The following ERLEC1 variants were observed in gnomAD, a reference collection of about 807,000 sequenced individuals.
The protein encoded by ERLEC1 is endoplasmic reticulum lectin 1, also known as ER lectin.
A neutral mutation model predicts 68.0 loss-of-function variants in ERLEC1; 47 were observed. That is an observed-to-expected ratio of 0.69 (90% CI 0.55 to 0.88). ERLEC1 has a LOEUF of 0.88. Among genes scored for constraint, ERLEC1 ranks in the 40% least tolerant of loss-of-function variants. The pLI, the probability that ERLEC1 is intolerant of heterozygous loss-of-function variation, is 0.00. For synonymous variants in ERLEC1, 225 were observed against 203.2 expected, an observed-to-expected ratio of 1.11 and a Z score of -0.91; for missense variants, 567 against 583.8, an observed-to-expected ratio of 0.97 and a Z score of 0.30.
In ERLEC1 at chr2:53,801,592, C is replaced by A; in HGVS notation, c.721C>A (p.Pro241Thr). ...TCEYEVVILTPLLCSHPKYRF... is the reference protein window; with the variant it reads ...TCEYEVVILTTLLCSHPKYRF... ...TGAATATGAAGTTGTCATTTTGACA[C>A]CACTCTTGTGCAGTCATCCTAAATA... Residue 241 changes from proline to threonine, a missense_variant, in exon 7 of 14, where the codon CCA becomes ACA. Physicochemically the swap from Pro to Thr is conservative, Grantham distance 38. Coordinates refer to ENST00000185150, the MANE Select transcript of ERLEC1 (RefSeq NM_015701.5). The A allele has an allele frequency of 1.2e-6, 2 of 1,613,898 alleles. No homozygotes were observed. The highest frequency in any genetic ancestry group is 1.7e-6 in the Non-Finnish European group (2 of 1,179,828).
Position 53,787,260 on chromosome 2 carries a change from TGTTACTGGTCCTCTGCGGCCTC to T in ERLEC1, c.51_72del (p.Leu18TrpfsTer45). On this transcript the variant is annotated frameshift_variant, in exon 1 of 14. Transcript: ENST00000185150. LOFTEE classifies it high-confidence loss of function. ...CGGAGTCTGGTCCCGGGCGGGCCGG[TGTTACTGGTCCTCTGCGGCCTC>T]CTGGAGGCGTCCGGCGGCGGCCGAG... 6.2e-7 allele frequency: 1 copy of T among 1,607,550 alleles called. No homozygotes were observed. Among genetic ancestry groups the T allele is most frequent in the Non-Finnish European group, 8.5e-7 (1 of 1,179,802 alleles).
At chr2:53,789,920 G>C (rs1404259991) in intron 1 of ERLEC1, among the ~76,000 whole-genome samples, 1 of 151,160 alleles carries the variant, frequency 6.6e-6, no homozygotes, top group African/African-American at 2.4e-5. Flanking sequence ...TTGGGAGGCT[G>C]AGGCAGGAGA....
intron 8 of ERLEC1, among the ~76,000 whole-genome samples, chr2:53,802,284 A>G (rs1299316227): frequency 6.6e-6 from 1 of 152,090 alleles, no homozygotes; most frequent in Non-Finnish European, 1.5e-5. Context: ...ATACATTTTT[A>G]ATAATCTCAC....
chr2:53,791,788 A>G (rs1156660921), intron 1 of ERLEC1, among the ~76,000 whole-genome samples: 1 of 152,050 alleles, frequency 6.6e-6, no homozygotes, highest in African/African-American at 2.4e-5. Context: ...GTTATGTCTC[A>G]TAGCAAATCG....
chr2:53,811,825 A>G (rs17045262), intron 10 of ERLEC1, among the ~76,000 whole-genome samples: 8,695 of 152,200 alleles, frequency 0.057, 470 homozygotes, highest in East Asian at 0.29. Flanking sequence ...TCTAGTTGCT[A>G]AAAACAAATG....
intron 13 of ERLEC1, among the ~76,000 whole-genome samples, chr2:53,817,222 C>T (rs1352625792): frequency 6.6e-6 from 1 of 151,926 alleles, no homozygotes; most frequent in Non-Finnish European, 1.5e-5. Context: ...CAACCTCCAC[C>T]TCCCGGGTTC....
chr2:53,806,846 G>A (rs1053472835), intron 8 of ERLEC1, among the ~76,000 whole-genome samples: 1 of 152,128 alleles, frequency 6.6e-6, no homozygotes, highest in South Asian at 2.1e-4. Context: ...TTAAATTCAG[G>A]TCTACATTCA....
chr2:53,809,361 C>A, intron 10 of ERLEC1, 88 bp downstream of exon 10: 1 of 920,920 alleles, frequency 1.1e-6, no homozygotes, highest in Non-Finnish European at 1.6e-6. Context: ...AATGGTATAA[C>A]TTTTAATTAT....
chr2:53,795,584 G>C (rs1408342898), intron 2 of ERLEC1, among the ~76,000 whole-genome samples: 1 of 152,074 alleles, frequency 6.6e-6, no homozygotes, highest in African/African-American at 2.4e-5. Flanking sequence ...ATTTGTTTGG[G>C]TACAAGCATT....
At chr2:53,790,048 A>G (rs1164529421) in intron 1 of ERLEC1, among the ~76,000 whole-genome samples, 1 of 150,202 alleles carries the variant, frequency 6.7e-6, no homozygotes, top group East Asian at 2.0e-4. Flanking sequence ...AAAAGAAACC[A>G]CTACTCTCCT....
intron 8 of ERLEC1, among the ~76,000 whole-genome samples, chr2:53,804,420 C>T (rs770617968): frequency 2.6e-5 from 4 of 151,996 alleles, no homozygotes; most frequent in Non-Finnish European, 4.4e-5. Context: ...ACTATAGGCA[C>T]GTGTCACCAT....
intron 3 of ERLEC1, among the ~76,000 whole-genome samples, chr2:53,796,858 G>A (rs1239750237): frequency 7.4e-6 from 1 of 134,814 alleles, no homozygotes; most frequent in Non-Finnish European, 1.6e-5. Flanking sequence ...TGTTTTGAAT[G>A]TTTTTCAGTT....
chr2:53,789,521 G>A (rs1573058817), intron 1 of ERLEC1, among the ~76,000 whole-genome samples: 1 of 151,968 alleles, frequency 6.6e-6, no homozygotes, highest in Non-Finnish European at 1.5e-5. Context: ...TCAGCCTCCT[G>A]AACAGCGAGG....
Position 53,794,325 on chromosome 2 carries a change from GTT to G in ERLEC1, c.163-15_163-14del. ...CAATTTCACGGAGAACATAATGTAT[GTT>G]TTTTCTTCTATTTGCAGCCCACAAC... On this transcript the variant is annotated intron_variant, in intron 1 of 13. Coordinates refer to ENST00000185150, the MANE Select transcript of ERLEC1 (RefSeq NM_015701.5). The G allele has an allele frequency of 1.7e-6, 2 of 1,159,400 alleles. No homozygotes were observed. Among genetic ancestry groups the G allele is most frequent in the Non-Finnish European group, 2.5e-6 (2 of 811,568 alleles). The allele number at this position is 1,159,400 out of a possible 1,614,324, so 71.8% of individuals were successfully genotyped here. A position where few individuals can be genotyped will look rare whatever the true frequency, so the allele number is the denominator to read the frequency against.
chr2:53,796,246 G>GTTTT (rs200295316), intron 3 of ERLEC1, among the ~76,000 whole-genome samples: 1 of 126,462 alleles, frequency 7.9e-6, no homozygotes, highest in Non-Finnish European at 1.7e-5. Flanking sequence ...TGATGGGTTG[G>GTTTT]TTTTTTTTTT....
chr2:53,801,341 C>A, intron 6 of ERLEC1, 56 bp from the exon 7 acceptor site: 1 of 1,327,908 alleles, frequency 7.5e-7, no homozygotes, highest in Non-Finnish European at 1.1e-6. Context: ...CTCTCCCACC[C>A]CCAGTCCCAT....
At chr2:53,789,512 C>T (rs1019006440) in intron 1 of ERLEC1, among the ~76,000 whole-genome samples, 9 of 152,088 alleles carry the variant, frequency 5.9e-5, no homozygotes, top group African/African-American at 2.2e-4. Context: ...CCTTCTGCCT[C>T]AGCCTCCTGA....
At chr2:53,794,279 C>G (rs757087123) in intron 1 of ERLEC1, 66 bp from the exon 2 acceptor site, 53 of 656,194 alleles carry the variant, frequency 8.1e-5, no homozygotes, top group Non-Finnish European at 1.3e-4. Context: ...CCAGCTAAGA[C>G]TAAAGTTATT....
In ERLEC1 at chr2:53,808,448, C is replaced by T; in HGVS notation, c.1029C>T (p.Tyr343=). 1 of 1,613,674 alleles carries T rather than the reference C, an allele frequency of 6.2e-7. No individual in the cohort carries two copies. The highest frequency in any genetic ancestry group is 8.5e-7 in the Non-Finnish European group (1 of 1,179,962). ...QLIKEFLSGS[Y]CFRGGVGWWK... ...TAAAAGAGTTTCTTAGTGGTTCTTA[C>T]TGCTTTCGTGGGGTGAGAAGTAAAT... The change falls in exon 9 of 14, where the codon TAC becomes TAT. Residue 343 remains tyrosine, a synonymous_variant. Transcript: ENST00000185150.
Sources: allele counts gnomAD v4.1 joint callset (sites outside exome capture counted in the v4.1 genomes callset), GRCh38; gene constraint gnomAD v4.1.1; transcripts MANE v1.5; gene names NCBI Gene and HGNC (gene_info 2026-07-23, HGNC 2026-07-21).